Variants in AGPAT3 observed in about 807,000 individuals in gnomAD.
The protein encoded by AGPAT3 is 1-acylglycerol-3-phosphate O-acyltransferase 3.
In AGPAT3, 5 loss-of-function variants were observed where a neutral mutation model predicts 47.3. The ratio of observed to expected loss-of-function variants is 0.11; its 90% CI spans 0.06 to 0.22. The LOEUF is 0.22. AGPAT3 is among the 10% of genes least tolerant of loss of function. The pLI is 1.00. For missense variants in AGPAT3, 315 were observed against 493.0 expected (o/e 0.64, Z 3.42); for synonymous variants, 212 against 208.3 (o/e 1.02, Z -0.15).
At chr21:43,875,934 ATTG>A (rs2085724488) in intron 1 of AGPAT3, among the ~76,000 whole-genome samples, 1 of 151,634 alleles carries the variant, frequency 6.6e-6, no homozygotes. Flanking sequence ...TTAACCTGTT[ATTG>A]TTGTTCTTTT....
In AGPAT3 at chr21:43,880,878, T is replaced by C. The variant is rs2085841100; in HGVS notation, c.-112+15533T>C. The stretch of plus-strand genomic sequence containing the variant: ...GGTGGTGAATTGGACACGTGACAGG[T>C]GGCAATATGTTAACTGTTCGTAGCA... On this transcript the variant is annotated intron_variant, in intron 1 of 9. Coordinates refer to ENST00000291572, the MANE Select transcript of AGPAT3 (RefSeq NM_020132.5). This position sits in a 1 kb window ranked among gnomAD's most constrained non-coding sequence, Gnocchi z 4.5. Among the ~76,000 whole-genome samples the C allele has an allele frequency of 1.3e-5, 2 of 152,084 alleles. No homozygotes were observed. The highest frequency in any genetic ancestry group is 6.5e-5 in the Admixed American group (1 of 15,272).
chr21:43,877,449 CT>C (rs377151403), intron 1 of AGPAT3, among the ~76,000 whole-genome samples: 2 of 150,076 alleles, frequency 1.3e-5, no homozygotes, highest in Non-Finnish European at 3.0e-5. Context: ...TGGTGCTATT[CT>C]TTTTTTTTTC....
intron 2 of AGPAT3, among the ~76,000 whole-genome samples, chr21:43,957,585 C>T (rs897381927): frequency 2.0e-5 from 3 of 146,718 alleles, no homozygotes; most frequent in Non-Finnish European, 3.0e-5. Flanking sequence ...TCCCCCTCCA[C>T]ACGGGGTTTC....
intron 2 of AGPAT3, among the ~76,000 whole-genome samples, chr21:43,909,521 C>T (rs1011968273): frequency 1.3e-5 from 2 of 152,224 alleles, no homozygotes; most frequent in African/African-American, 2.4e-5. Flanking sequence ...TGGTCTCGAT[C>T]TCCTGACCTC....
chr21:43,942,196 T>C (rs2087680851), intron 2 of AGPAT3, among the ~76,000 whole-genome samples: 1 of 152,238 alleles, frequency 6.6e-6, no homozygotes, highest in Admixed American at 6.5e-5. Flanking sequence ...AGGTCCCTGT[T>C]GATCCTGTTT....
chr21:43,954,735 G>A lies in AGPAT3; in HGVS notation c.-48-4899G>A, dbSNP rs2088360442. 6.5e-6 allele frequency: 1 copy of A among 153,366 alleles called. No homozygotes were observed. The highest frequency in any genetic ancestry group is 6.5e-5 in the Admixed American group (1 of 15,316). 9.5% of individuals were successfully genotyped at this position (153,366 alleles called of 1,614,324 possible). On this transcript the variant is annotated intron_variant, in intron 2 of 9. Transcript: ENST00000291572. This position sits in a 1 kb window ranked among gnomAD's most constrained non-coding sequence, Gnocchi z 4.0. ...GGGCTGAAGCCAGCCCCTCTGATCT[G>A]GCACTGGCCGGCTCCATTCACCCTT...
At chr21:43,960,776 C>T (rs1368482297) in intron 3 of AGPAT3, 1 of 984,998 alleles carries the variant, frequency 1.0e-6, no homozygotes, top group African/African-American at 1.7e-5. Context: ...CAACAAAGTC[C>T]ATAGTATGCT....
In AGPAT3 at chr21:43,967,765, C is replaced by A. The variant is rs115237511; in HGVS notation, c.179-181C>A. ...CTACCTTCCATCTGTCTCCTCCCAA[C>A]TGTTGCTTAGAGAAAGTTATTGTAA... On this transcript the variant is annotated intron_variant, in intron 3 of 9. Coordinates refer to ENST00000291572, the MANE Select transcript of AGPAT3 (RefSeq NM_020132.5). 1,009 of 624,190 alleles carry A rather than the reference C, an allele frequency of 1.6e-3. 5 individuals are homozygous for A. The African/African-American group carries it at 0.017, about 11-fold the overall frequency. The allele number at this position is 624,190 out of a possible 1,614,324, so 38.7% of individuals were successfully genotyped here.
intron 1 of AGPAT3, among the ~76,000 whole-genome samples, chr21:43,886,789 A>G (rs2085988675): frequency 6.6e-6 from 1 of 152,136 alleles, no homozygotes; most frequent in African/African-American, 2.4e-5. Context: ...ATTCTTTTTT[A>G]TGGCTGAATA....
In AGPAT3 at chr21:43,955,811, C is replaced by T. The variant is rs1166149244; in HGVS notation, c.-48-3823C>T. On this transcript the variant is annotated intron_variant, in intron 2 of 9. Coordinates refer to ENST00000291572, the MANE Select transcript of AGPAT3 (RefSeq NM_020132.5). The surrounding 1 kb of genome is among the most constrained non-coding windows in gnomAD (Gnocchi z 4.1). The stretch of plus-strand genomic sequence containing the variant: ...GTCCCAGCTACTCGGGAGGCTGAGG[C>T]ATGAGAATTGCTTGAACCCAGGAAG... 6.6e-6 allele frequency among the ~76,000 whole-genome samples: 1 copy of T among 150,574 alleles called. No homozygotes were observed. The highest frequency in any genetic ancestry group is 2.5e-5 in the African/African-American group (1 of 40,814).
intron 2 of AGPAT3, among the ~76,000 whole-genome samples, chr21:43,959,094 G>T (rs1331886207): frequency 7.2e-6 from 1 of 138,152 alleles, no homozygotes; most frequent in Non-Finnish European, 1.6e-5. Context: ...GTGTGTGTGT[G>T]TCATGTGTGT....
intron 8 of AGPAT3, among the ~76,000 whole-genome samples, chr21:43,978,438 A>G (rs2089706699): frequency 6.6e-6 from 1 of 152,020 alleles, no homozygotes; most frequent in Non-Finnish European, 1.5e-5. Context: ...GGGTGGCTGG[A>G]GCTACAGGCG....
Position 43,933,077 on chromosome 21 carries a change from C to A in AGPAT3, c.-48-26557C>A, listed in dbSNP as rs1460832801. 6.6e-6 allele frequency among the ~76,000 whole-genome samples: 1 copy of A among 152,218 alleles called. No homozygotes were observed. Among genetic ancestry groups the A allele is most frequent in the South Asian group, 2.1e-4 (1 of 4,830 alleles). ...TCTGCGTTCTCGTCAACACCTGTTA[C>A]ATTCGTCTTTTTGATAATAGCCAAC... On this transcript the variant is annotated intron_variant, in intron 2 of 9. Coordinates refer to ENST00000291572, the MANE Select transcript of AGPAT3 (RefSeq NM_020132.5). This position sits in a 1 kb window ranked among gnomAD's most constrained non-coding sequence, Gnocchi z 6.0.
At chr21:43,976,576 T>G (rs75713062) in intron 7 of AGPAT3, among the ~76,000 whole-genome samples, 7,568 of 152,322 alleles carry the variant, frequency 0.05, 530 homozygotes, top group African/African-American at 0.15. Flanking sequence ...ATAATTGTTT[T>G]GAATGAAAGA....
chr21:43,949,781 CTCTT>C (rs1273573816), intron 2 of AGPAT3, among the ~76,000 whole-genome samples: 2 of 152,174 alleles, frequency 1.3e-5, no homozygotes, highest in African/African-American at 4.8e-5. Context: ...TAGGTATTTT[CTCTT>C]TCTTATTGCA....
At chr21:43,973,014 C>T (rs773808214) in intron 7 of AGPAT3, among the ~76,000 whole-genome samples, 2 of 152,236 alleles carry the variant, frequency 1.3e-5, no homozygotes, top group African/African-American at 2.4e-5. Context: ...ATTCTAATCT[C>T]GAGAGCCTGA....
intron 1 of AGPAT3, among the ~76,000 whole-genome samples, chr21:43,868,411 T>G (rs1601175910): frequency 6.6e-6 from 1 of 152,048 alleles, no homozygotes; most frequent in East Asian, 1.9e-4. Context: ...CACTTAAGAC[T>G]CAAAGTGGAG....
rs1017798130 is a variant in AGPAT3 at position 43,908,506 on chromosome 21, C to T, written c.-49+4487C>T. On this transcript the variant is annotated intron_variant, in intron 2 of 9. Coordinates refer to ENST00000291572, the MANE Select transcript of AGPAT3 (RefSeq NM_020132.5). The surrounding 1 kb of genome is among the most constrained non-coding windows in gnomAD (Gnocchi z 4.9). ...ATTTGCTTTCCTGGGCCTTGGTGAC[C>T]TGTCTGTGAAATGGGCACAGGAGCC... Among the ~76,000 whole-genome samples the T allele has an allele frequency of 1.3e-5, 2 of 152,174 alleles. No individual in the cohort carries two copies. The highest frequency in any genetic ancestry group is 3.2e-3 in the Middle Eastern group (1 of 316).
rs1285943483 is a variant in AGPAT3 at position 43,923,840 on chromosome 21, G to T, written c.-49+19821G>T. Among the ~76,000 whole-genome samples the T allele has an allele frequency of 3.3e-5, 5 of 152,274 alleles. No individual in the cohort carries two copies. In the South Asian group the frequency reaches 6.2e-4, roughly 19 times the overall value. On this transcript the variant is annotated intron_variant, in intron 2 of 9. Transcript: ENST00000291572. Reference sequence around the variant, plus strand: ...ATGTGGGTGAGTTCACCACCCTGAAGTCCATTGTACAAGAGTTTTGAGGGA... The same window carrying T: ...ATGTGGGTGAGTTCACCACCCTGAATTCCATTGTACAAGAGTTTTGAGGGA...
Sources: allele counts gnomAD v4.1 joint callset (sites outside exome capture counted in the v4.1 genomes callset), GRCh38; gene constraint gnomAD v4.1.1; non-coding constraint Gnocchi (gnomAD v3.1); transcripts MANE v1.5; gene names NCBI Gene and HGNC (gene_info 2026-07-23, HGNC 2026-07-21).